Variants in GTF2F2 observed in about 807,000 individuals in gnomAD.
GTF2F2 encodes ATP-dependent helicase GTF2F2.
In GTF2F2, 23 loss-of-function variants were observed where a neutral mutation model predicts 42.2. The observed-to-expected ratio is 0.55, with a 90% CI of 0.39 to 0.77. The LOEUF (loss-of-function observed/expected upper bound fraction) is 0.77, where lower values mean the gene tolerates loss of function less well. GTF2F2 is among the 30% of genes least tolerant of loss of function. GTF2F2 has a pLI of 0.00. For missense variants in GTF2F2, 261 were observed against 287.2 expected (o/e 0.91, Z 0.66); for synonymous variants, 105 against 100.8 (o/e 1.04, Z -0.25).
rs1873393714 is a variant in GTF2F2 at position 45,205,909 on chromosome 13, T to C, written c.305-1515T>C. ...TTGATATATCAGATTTTCCCAAATCTTGCTATTGTTGTGACGACTAAAGAA... is the reference window on the plus strand; with the variant it reads ...TTGATATATCAGATTTTCCCAAATCCTGCTATTGTTGTGACGACTAAAGAA... On this transcript the variant is annotated intron_variant, in intron 4 of 7. Coordinates refer to ENST00000340473, the MANE Select transcript of GTF2F2 (RefSeq NM_004128.3). 2.0e-5 allele frequency among the ~76,000 whole-genome samples: 3 copies of C among 152,238 alleles called. No individual in the cohort carries two copies. In the South Asian group the frequency reaches 6.2e-4, roughly 32 times the overall value.
At chr13:45,165,737 C>A (rs1268501806) in intron 4 of GTF2F2, among the ~76,000 whole-genome samples, 1 of 151,382 alleles carries the variant, frequency 6.6e-6, no homozygotes, top group African/African-American at 2.4e-5. Context: ...CCTTTGTGTA[C>A]CTCACAGGAT....
intron 2 of GTF2F2, among the ~76,000 whole-genome samples, chr13:45,142,339 T>G (rs540218055): frequency 6.6e-6 from 1 of 152,258 alleles, no homozygotes; most frequent in South Asian, 2.1e-4. Context: ...GCTAATTTTT[T>G]TTATTTTTAG....
chr13:45,271,190 C>T (rs1056918182), intron 7 of GTF2F2, among the ~76,000 whole-genome samples: 2 of 151,702 alleles, frequency 1.3e-5, no homozygotes, highest in Admixed American at 6.6e-5. Context: ...TACTCAGGAG[C>T]TGAGGCAGGA....
intron 4 of GTF2F2, among the ~76,000 whole-genome samples, chr13:45,152,629 C>T (rs17066490): frequency 0.012 from 1,816 of 152,324 alleles, 30 homozygotes; most frequent in African/African-American, 0.037. Context: ...TTTTAATTGA[C>T]ACTGGCTTCC....
At position 45,245,696 on chromosome 13, in the gene GTF2F2, TATATAC is replaced by T. The variant is rs1310583598; in HGVS notation, c.387-7165_387-7160del. ...ATATATATATATATATATATATATA[TATATAC>T]ATATACATACACACACACACACACC... On this transcript the variant is annotated intron_variant, in intron 5 of 7. Coordinates refer to ENST00000340473, the MANE Select transcript of GTF2F2 (RefSeq NM_004128.3). 4.7e-5 allele frequency among the ~76,000 whole-genome samples: 3 copies of T among 63,540 alleles called. No homozygotes were observed. In the East Asian group the frequency reaches 7.6e-4, roughly 16 times the overall value. The allele number at this position is 63,540 out of a possible 152,430, so 41.7% of individuals were successfully genotyped here. A position where few individuals can be genotyped will look rare whatever the true frequency, so the allele number is the denominator to read the frequency against.
At chr13:45,153,220 G>A (rs375401119) in intron 4 of GTF2F2, among the ~76,000 whole-genome samples, 9 of 150,480 alleles carry the variant, frequency 6.0e-5, no homozygotes, top group South Asian at 4.2e-4. Flanking sequence ...GGGTTTCACC[G>A]TGTTAGCCAG....
chr13:45,260,315 A>G (rs1876287786), intron 6 of GTF2F2, among the ~76,000 whole-genome samples: 1 of 152,242 alleles, frequency 6.6e-6, no homozygotes, highest in Non-Finnish European at 1.5e-5. Context: ...TGCCTGTTAT[A>G]ATACATAGTA....
intron 4 of GTF2F2, among the ~76,000 whole-genome samples, chr13:45,168,085 C>T (rs1375240237): frequency 5.3e-5 from 8 of 152,116 alleles, no homozygotes; most frequent in Non-Finnish European, 7.4e-5. Flanking sequence ...AGATCTGTAC[C>T]GTTTAGCAAA....
Position 45,258,423 on chromosome 13 carries a change from C to G in GTF2F2, c.486+5453C>G, listed in dbSNP as rs567912201. 3.3e-5 allele frequency among the ~76,000 whole-genome samples: 5 copies of G among 151,822 alleles called. No homozygotes were observed. The South Asian group carries it at 6.2e-4, about 19-fold the overall frequency. ...CACTTTCATTCTCCTATTGGCAGAACCCCAGCTGGAAACCCGCTAGCAAGG... is the reference window on the plus strand; with the variant it reads ...CACTTTCATTCTCCTATTGGCAGAAGCCCAGCTGGAAACCCGCTAGCAAGG... On this transcript the variant is annotated intron_variant, in intron 6 of 7. Coordinates refer to ENST00000340473, the MANE Select transcript of GTF2F2 (RefSeq NM_004128.3).
At chr13:45,270,514 A>C (rs1356548624) in intron 7 of GTF2F2, among the ~76,000 whole-genome samples, 1 of 152,016 alleles carries the variant, frequency 6.6e-6, no homozygotes, top group Non-Finnish European at 1.5e-5. Flanking sequence ...CCCTCTTTTT[A>C]TAAAGCCACC....
chr13:45,283,752 AT>A lies in GTF2F2; in HGVS notation c.*194del, dbSNP rs753733891. Reference sequence around the variant, plus strand: ...CTGTTTTTTTGAGGAGAAAGAACAGATTTATTTATAGACTTAACTTGTATTA... The same window carrying A: ...CTGTTTTTTTGAGGAGAAAGAACAGATTATTTATAGACTTAACTTGTATTA... On this transcript the variant is annotated 3_prime_UTR_variant, in exon 8 of 8. Transcript: ENST00000340473. 6.1e-6 allele frequency: 2 copies of A among 330,534 alleles called. No individual in the cohort carries two copies. Among genetic ancestry groups the A allele is most frequent in the Non-Finnish European group, 1.1e-5 (2 of 181,084 alleles). The allele number at this position is 330,534 out of a possible 1,614,324, so 20.5% of individuals were successfully genotyped here. A position where few individuals can be genotyped will look rare whatever the true frequency, so the allele number is the denominator to read the frequency against.
At chr13:45,124,011 C>A in intron 1 of GTF2F2, 1 of 1,105,590 alleles carries the variant, frequency 9.0e-7, no homozygotes. Context: ...GTCCAGGGGT[C>A]TTACTCCTTA....
intron 7 of GTF2F2, among the ~76,000 whole-genome samples, chr13:45,272,572 A>G (rs1014800355): frequency 6.6e-5 from 10 of 151,456 alleles, no homozygotes; most frequent in African/African-American, 1.7e-4. Flanking sequence ...GTGAAACCCC[A>G]ACTCTACAAA....
At chr13:45,244,752 C>A (rs1395780555) in intron 5 of GTF2F2, among the ~76,000 whole-genome samples, 2 of 152,154 alleles carry the variant, frequency 1.3e-5, no homozygotes, top group African/African-American at 4.8e-5. Flanking sequence ...CTCACTGCAA[C>A]CTCCGCTTCC....
chr13:45,140,864 T>C (rs1196692473), intron 2 of GTF2F2, among the ~76,000 whole-genome samples: 2 of 152,180 alleles, frequency 1.3e-5, no homozygotes, highest in African/African-American at 4.8e-5. Context: ...ATGATGAACC[T>C]CATGGTATTG....
At chr13:45,197,934 C>T (rs1872982343) in intron 4 of GTF2F2, among the ~76,000 whole-genome samples, 1 of 152,218 alleles carries the variant, frequency 6.6e-6, no homozygotes, top group Admixed American at 6.5e-5. Context: ...CCTGGATCCA[C>T]TTGGCCACTA....
At chr13:45,150,425 A>G (rs1870429186) in intron 3 of GTF2F2, among the ~76,000 whole-genome samples, 1 of 152,182 alleles carries the variant, frequency 6.6e-6, no homozygotes. Flanking sequence ...AGACATACAA[A>G]ATAAATACAT....
chr13:45,146,293 C>T (rs9595248), intron 2 of GTF2F2, among the ~76,000 whole-genome samples: 15,871 of 151,964 alleles, frequency 0.1, 2,229 homozygotes, highest in African/African-American at 0.32. Context: ...TCTAGGAGTT[C>T]GAAACCAGCT....
chr13:45,271,670 G>GC (rs1305041676), intron 7 of GTF2F2, among the ~76,000 whole-genome samples: 2 of 151,956 alleles, frequency 1.3e-5, no homozygotes, highest in African/African-American at 4.8e-5. Flanking sequence ...TCCTGCCTCA[G>GC]CCCCCCGAGT....
Sources: allele counts gnomAD v4.1 joint callset (sites outside exome capture counted in the v4.1 genomes callset), GRCh38; gene constraint gnomAD v4.1.1; transcripts MANE v1.5; gene names NCBI Gene and HGNC (gene_info 2026-07-23, HGNC 2026-07-21).